The following MMP26 variants were observed in gnomAD, a reference collection of about 807,000 sequenced individuals.
MMP26 encodes the protein matrix metallopeptidase 26.
A neutral mutation model predicts 31.0 loss-of-function variants in MMP26; 33 were observed. The observed-to-expected ratio is 1.06, with a 90% CI of 0.81 to 1.42. The LOEUF (loss-of-function observed/expected upper bound fraction) is 1.42. Ranked by LOEUF, MMP26 falls within the 40% of genes most tolerant of loss-of-function variation. The probability of loss-of-function intolerance (pLI) is 0.00; values close to 1 mark genes in which losing one functional copy is unlikely to be tolerated. For missense variants in MMP26, 347 were observed against 316.1 expected, an observed-to-expected ratio of 1.10 and a Z score of -0.74; for synonymous variants, 122 against 114.9, an observed-to-expected ratio of 1.06 and a Z score of -0.40.
chr11:4,976,502 T>C (rs1188196256), intron 2 of MMP26, among the ~76,000 whole-genome samples: 1 of 152,004 alleles, frequency 6.6e-6, no homozygotes, highest in Non-Finnish European at 1.5e-5. Context: ...CTTACCAAGA[T>C]CATGCTTAGT....
intron 2 of MMP26, among the ~76,000 whole-genome samples, chr11:4,888,423 G>A (rs1445646833): frequency 2.0e-5 from 3 of 151,866 alleles, no homozygotes; most frequent in Non-Finnish European, 4.4e-5. Context: ...TAAGCTTCTA[G>A]TGAAATCGAA....
rs768692287 is a variant in MMP26 at position 4,849,214 on chromosome 11, A to G, written c.-145+81873A>G. 13 of 1,594,600 alleles carry G rather than the reference A, an allele frequency of 8.2e-6. No individual in the cohort carries two copies. The African/African-American group carries it at 1.6e-4, about 20-fold the overall frequency. On this transcript the variant is annotated intron_variant, in intron 2 of 7. Transcript: ENST00000380390. Reference sequence around the variant, plus strand: ...TGAGTTGGTAATGTTGACATAGTTCAGGATTCCACGTTGAACTCTGGAACC... The same window carrying G: ...TGAGTTGGTAATGTTGACATAGTTCGGGATTCCACGTTGAACTCTGGAACC...
At chr11:4,827,562 A>G (rs1849594338) in intron 2 of MMP26, among the ~76,000 whole-genome samples, 1 of 151,992 alleles carries the variant, frequency 6.6e-6, no homozygotes, top group Non-Finnish European at 1.5e-5. Flanking sequence ...TGAGAGAAAA[A>G]TGCTTTTGCA....
chr11:4,792,927 C>G (rs1643051694), intron 2 of MMP26, among the ~76,000 whole-genome samples: 1 of 152,096 alleles, frequency 6.6e-6, no homozygotes, highest in African/African-American at 2.4e-5. Context: ...TATTATTGCT[C>G]TATAAAATGA....
intron 2 of MMP26, among the ~76,000 whole-genome samples, chr11:4,966,137 A>C (rs1177965574): frequency 6.6e-6 from 1 of 152,212 alleles, no homozygotes; most frequent in African/African-American, 2.4e-5. Context: ...GGAAGACTTT[A>C]TTCATGGAGA....
chr11:4,920,403 A>T (rs1197528692), intron 2 of MMP26, among the ~76,000 whole-genome samples: 2 of 152,070 alleles, frequency 1.3e-5, no homozygotes, highest in African/African-American at 4.8e-5. Flanking sequence ...TTCAGCTATG[A>T]CTATTTCTAC....
intron 2 of MMP26, among the ~76,000 whole-genome samples, chr11:4,894,458 A>T (rs1850672645): frequency 6.6e-6 from 1 of 152,184 alleles, no homozygotes; most frequent in African/African-American, 2.4e-5. Flanking sequence ...GATATGTACA[A>T]ATTAGGACAC....
intron 2 of MMP26, chr11:4,878,043 C>T (rs749685201): frequency 2.0e-5 from 3 of 152,116 alleles, no homozygotes; most frequent in Non-Finnish European, 2.9e-5. Context: ...CTATTATCAC[C>T]CAACAGAAGG....
intron 2 of MMP26, among the ~76,000 whole-genome samples, chr11:4,839,058 T>C (rs990682787): frequency 6.6e-6 from 1 of 152,072 alleles, no homozygotes; most frequent in Non-Finnish European, 1.5e-5. Flanking sequence ...AGTGCTGTCC[T>C]GTTAGAGCAG....
chr11:4,921,741 G>A (rs1230508024), intron 2 of MMP26, among the ~76,000 whole-genome samples: 2 of 152,214 alleles, frequency 1.3e-5, no homozygotes, highest in Admixed American at 6.5e-5. Flanking sequence ...TTATGCAAAA[G>A]CGGTTATGTT....
intron 2 of MMP26, among the ~76,000 whole-genome samples, chr11:4,878,416 A>C (rs1260008536): frequency 6.6e-6 from 1 of 152,102 alleles, no homozygotes; most frequent in East Asian, 1.9e-4. Flanking sequence ...AGGGGTTGGA[A>C]TCAGAAAAAA....
intron 2 of MMP26, among the ~76,000 whole-genome samples, chr11:4,835,427 T>C (rs1346309466): frequency 1.3e-5 from 2 of 152,116 alleles, no homozygotes; most frequent in African/African-American, 4.8e-5. Context: ...AAATTTTTTT[T>C]TCCCCTTAAC....
intron 2 of MMP26, among the ~76,000 whole-genome samples, chr11:4,891,975 G>A (rs1850631051): frequency 6.6e-6 from 1 of 152,028 alleles, no homozygotes; most frequent in African/African-American, 2.4e-5. Flanking sequence ...GTATTTGAGA[G>A]TTTTCATATG....
chr11:4,905,481 A>G (rs1048944799), intron 2 of MMP26, among the ~76,000 whole-genome samples: 2 of 152,138 alleles, frequency 1.3e-5, no homozygotes, highest in African/African-American at 4.8e-5. Flanking sequence ...AAGCTTCCAT[A>G]TAAAGGAGCT....
chr11:4,758,732 A>G (rs1167793357), intron 1 of MMP26, among the ~76,000 whole-genome samples: 3 of 152,170 alleles, frequency 2.0e-5, no homozygotes, highest in African/African-American at 7.2e-5. Context: ...CACAGTTTTA[A>G]AAGGGTAATT....
intron 1 of MMP26, among the ~76,000 whole-genome samples, chr11:4,743,655 T>C (rs944145132): frequency 6.6e-6 from 1 of 152,190 alleles, no homozygotes; most frequent in African/African-American, 2.4e-5. Context: ...CACTGTAATA[T>C]TTGGACAAAT....
chr11:4,900,162 TTG>T (rs1850779569), intron 2 of MMP26, among the ~76,000 whole-genome samples: 1 of 152,154 alleles, frequency 6.6e-6, no homozygotes. Context: ...ACAAGCATGG[TTG>T]TGTGTCTACT....
chr11:4,943,856 C>T (rs772848553), intron 2 of MMP26: 1 of 449,186 alleles, frequency 2.2e-6, no homozygotes, highest in Admixed American at 2.4e-5. Context: ...TTTATTAAGA[C>T]TGTCAAAAAC....
intron 2 of MMP26, among the ~76,000 whole-genome samples, chr11:4,891,020 A>C (rs1469060971): frequency 6.8e-6 from 1 of 147,196 alleles, no homozygotes. Context: ...AATAATAATA[A>C]TAATAAAAGT....
Sources: allele counts gnomAD v4.1 joint callset (sites outside exome capture counted in the v4.1 genomes callset), GRCh38; gene constraint gnomAD v4.1.1; transcripts MANE v1.5; gene names NCBI Gene and HGNC (gene_info 2026-07-23, HGNC 2026-07-21).